The following PCDH15 variants were observed in gnomAD, a reference collection of about 807,000 sequenced individuals.
The protein encoded by PCDH15 is protocadherin related 15.
In PCDH15, 129 loss-of-function variants were observed where a neutral mutation model predicts 178.5. That is an observed-to-expected ratio of 0.72 (90% CI 0.63 to 0.84). The LOEUF (loss-of-function observed/expected upper bound fraction) is 0.84, where lower values mean the gene tolerates loss of function less well. PCDH15 is among the 40% of genes least tolerant of loss of function. The pLI is 0.00. For missense variants in PCDH15, 2,230 were observed against 2,099.9 expected, an observed-to-expected ratio of 1.06 and a Z score of -1.21; for synonymous variants, 800 against 732.0, an observed-to-expected ratio of 1.09 and a Z score of -1.50.
In PCDH15 at chr10:54,325,767, C is replaced by T. The variant is rs188596088; in HGVS notation, c.705+3829G>A. Among the ~76,000 whole-genome samples the T allele has an allele frequency of 1.3e-3, 194 of 151,870 alleles. 1 individual carries two copies. The highest frequency in any genetic ancestry group is 4.7e-3 in the African/African-American group (193 of 41,460). On this transcript the variant is annotated intron_variant, in intron 7 of 37. Coordinates refer to ENST00000644397, the MANE Select transcript of PCDH15 (RefSeq NM_001384140.1). ...CTCCTCCCCTCCCAAAAAGAAAATC[C>T]AGGTGTGGTGGTACGTTTGTGGTCC...
chr10:54,717,103 A>G (rs2095490068), intron 1 of PCDH15, among the ~76,000 whole-genome samples: 1 of 144,464 alleles, frequency 6.9e-6, no homozygotes, highest in Non-Finnish European at 1.5e-5. Context: ...TTATACAAAA[A>G]TTAATTCAAG....
intron 6 of PCDH15, among the ~76,000 whole-genome samples, chr10:54,331,720 T>C (rs1375590954): frequency 6.6e-6 from 1 of 152,018 alleles, no homozygotes; most frequent in Non-Finnish European, 1.5e-5. Flanking sequence ...AGCATAAATA[T>C]GGAAGATACT....
At chr10:54,597,306 A>G (rs200933926) in intron 2 of PCDH15, among the ~76,000 whole-genome samples, 59 of 152,264 alleles carry the variant, frequency 3.9e-4, no homozygotes, top group East Asian at 1.7e-3. Context: ...AGTCAAAACC[A>G]TACAATCACA....
chr10:54,442,459 T>C (rs9415333), intron 3 of PCDH15, among the ~76,000 whole-genome samples: 8,100 of 93,164 alleles, frequency 0.087, 727 homozygotes, highest in South Asian at 0.15. Context: ...TATATATATA[T>C]ACAGTCTTTT....
intron 21 of PCDH15, among the ~76,000 whole-genome samples, chr10:53,982,881 T>C (rs1418167657): frequency 6.6e-6 from 1 of 151,844 alleles, no homozygotes; most frequent in Non-Finnish European, 1.5e-5. Context: ...GTCCTTAGTA[T>C]CAGGGGAAAT....
chr10:54,925,763 G>A (rs1837606620), intron 2 of PCDH15, among the ~76,000 whole-genome samples: 1 of 152,126 alleles, frequency 6.6e-6, no homozygotes, highest in Admixed American at 6.6e-5. Flanking sequence ...ATGATGTATA[G>A]ACATGTTAGT....
chr10:54,105,317 T>TATATATATATATACAC (rs1233590982), intron 15 of PCDH15, among the ~76,000 whole-genome samples: 1 of 91,586 alleles, frequency 1.1e-5, no homozygotes, highest in Non-Finnish European at 2.2e-5. Flanking sequence ...TATATATATA[T>TATATATATATATACAC]ACACACACAC....
At chr10:54,935,975 CA>C (rs1204273655) in intron 2 of PCDH15, among the ~76,000 whole-genome samples, 12 of 152,066 alleles carry the variant, frequency 7.9e-5, no homozygotes, top group Admixed American at 2.6e-4. Flanking sequence ...ACCACCACTG[CA>C]ATAAATTCTC....
intron 3 of PCDH15, among the ~76,000 whole-genome samples, chr10:54,524,686 T>C (rs2083211331): frequency 6.6e-6 from 1 of 152,208 alleles, no homozygotes; most frequent in South Asian, 2.1e-4. Flanking sequence ...ATGTGATCTG[T>C]TTCTCTAAAT....
chr10:54,559,760 AT>A (rs2087806972), intron 2 of PCDH15, among the ~76,000 whole-genome samples: 1 of 148,534 alleles, frequency 6.7e-6, no homozygotes, highest in Non-Finnish European at 1.5e-5. Flanking sequence ...TTTAGACAGA[AT>A]TAGCTTCTCA....
chr10:55,442,455 TTATA>T (rs5785131), intron 2 of PCDH15, among the ~76,000 whole-genome samples: 1 of 121,144 alleles, frequency 8.3e-6, no homozygotes, highest in East Asian at 3.4e-4. Flanking sequence ...CTTAATTTGA[TTATA>T]TATATATATA....
intron 20 of PCDH15, among the ~76,000 whole-genome samples, chr10:54,009,675 A>G (rs1816499747): frequency 6.6e-6 from 1 of 152,176 alleles, no homozygotes; most frequent in African/African-American, 2.4e-5. Flanking sequence ...GCAAGACAAG[A>G]CAACTGCCCA....
intron 2 of PCDH15, among the ~76,000 whole-genome samples, chr10:55,166,078 C>A (rs1048419430): frequency 2.6e-5 from 4 of 152,090 alleles, no homozygotes; most frequent in Admixed American, 2.0e-4. Context: ...AGCCTCACTT[C>A]AGAAACACAT....
intron 2 of PCDH15, among the ~76,000 whole-genome samples, chr10:54,578,958 G>T (rs533309295): frequency 2.0e-5 from 3 of 152,076 alleles, no homozygotes; most frequent in African/African-American, 7.2e-5. Flanking sequence ...AAGGGAATTT[G>T]TAATCACTAG....
At chr10:54,161,060 A>ATG (rs2045661415) in intron 13 of PCDH15, among the ~76,000 whole-genome samples, 2 of 152,176 alleles carry the variant, frequency 1.3e-5, no homozygotes, top group Admixed American at 1.3e-4. Context: ...GTGTATATAT[A>ATG]TGTGTGTGTA....
intron 13 of PCDH15, among the ~76,000 whole-genome samples, chr10:54,169,011 T>A (rs1457182728): frequency 1.3e-5 from 2 of 152,094 alleles, no homozygotes; most frequent in Non-Finnish European, 2.9e-5. Flanking sequence ...CAGAACCTCC[T>A]CCCACAGGAG....
rs533647663 is a variant in PCDH15 at position 54,381,576 on chromosome 10, TG to T, written c.158-2635del. On this transcript the variant is annotated intron_variant, in intron 3 of 37. Coordinates refer to ENST00000644397, the MANE Select transcript of PCDH15 (RefSeq NM_001384140.1). The stretch of plus-strand genomic sequence containing the variant: ...TACAGATAAGTTAAAAATAAAAAGA[TG>T]GGAGGCACGACACAACACTAAATAA... 8.3e-3 allele frequency among the ~76,000 whole-genome samples: 1,269 copies of T among 152,192 alleles called. 12 individuals are homozygous for T. Among genetic ancestry groups the T allele is most frequent in the Non-Finnish European group, 0.011 (774 of 67,992 alleles).
chr10:54,589,905 C>T (rs11004395), intron 2 of PCDH15, among the ~76,000 whole-genome samples: 2,847 of 152,034 alleles, frequency 0.019, 94 homozygotes, highest in African/African-American at 0.065. Flanking sequence ...CCGTTCATTA[C>T]GTAAGAATAA....
chr10:54,282,371 T>C (rs1564857442), intron 8 of PCDH15, among the ~76,000 whole-genome samples: 1 of 151,984 alleles, frequency 6.6e-6, no homozygotes, highest in African/African-American at 2.4e-5. Context: ...TCCCAGACCA[T>C]ACACTGCACT....
Sources: gnomAD v4.1 joint callset for allele counts (sites outside exome capture counted in the v4.1 genomes callset) on GRCh38, gnomAD v4.1.1 for gene constraint, MANE v1.5 for transcripts, NCBI Gene and HGNC (gene_info 2026-07-23, HGNC 2026-07-21) for gene names.